The following UNC79 variants were observed in gnomAD, a reference collection of about 807,000 sequenced individuals.
UNC79 encodes protein unc-79 homolog.
A neutral mutation model predicts 283.1 loss-of-function variants in UNC79; 37 were observed. That is an observed-to-expected ratio of 0.13 (90% confidence interval 0.10 to 0.17). The LOEUF (loss-of-function observed/expected upper bound fraction) is 0.17, where lower values mean the gene tolerates loss of function less well. Among genes scored for constraint, UNC79 ranks in the 10% least tolerant of loss-of-function variants. The pLI is 1.00. For synonymous variants in UNC79, 1,107 were observed against 1,200.2 expected, an observed-to-expected ratio of 0.92 and a Z score of 1.61; for missense variants, 2,272 against 3,211.1, an observed-to-expected ratio of 0.71 and a Z score of 7.07.
intron 47 of UNC79, among the ~76,000 whole-genome samples, chr14:93,703,649 G>A (rs1364689178): frequency 6.6e-6 from 1 of 152,126 alleles, no homozygotes. Flanking sequence ...ATTTTAATGG[G>A]GCACAATTCA....
intron 38 of UNC79, among the ~76,000 whole-genome samples, chr14:93,656,891 A>G (rs944223852): frequency 6.6e-6 from 1 of 152,170 alleles, no homozygotes; most frequent in Non-Finnish European, 1.5e-5. Context: ...CAGAAAAACA[A>G]AAGGATCAGG....
chr14:93,535,054 G>A (rs2061005307), intron 11 of UNC79, among the ~76,000 whole-genome samples: 1 of 152,204 alleles, frequency 6.6e-6, no homozygotes, highest in Non-Finnish European at 1.5e-5. Context: ...TTGGAAAGAT[G>A]AAGAGACAGA....
rs1188213650 is a variant in UNC79, at chr14:93,662,594, C to T, written c.6526-10C>T. ...GCAATTGACTTTATTTGGCCCCAATCTCATTGCAGAGTTTGTTGGAACCAT... is the reference window on the plus strand; with the variant it reads ...GCAATTGACTTTATTTGGCCCCAATTTCATTGCAGAGTTTGTTGGAACCAT... On this transcript the variant is annotated splice_polypyrimidine_tract_variant and intron_variant, in intron 39 of 48. Coordinates refer to ENST00000555664, the Ensembl canonical transcript of UNC79. 1 of 1,587,698 alleles carries T rather than the reference C, an allele frequency of 6.3e-7. No homozygotes were observed. Among genetic ancestry groups the T allele is most frequent in the Non-Finnish European group, 8.6e-7 (1 of 1,160,544 alleles).
chr14:93,529,072 T>A (rs1333287098), intron 9 of UNC79, among the ~76,000 whole-genome samples: 1 of 152,236 alleles, frequency 6.6e-6, no homozygotes, highest in Non-Finnish European at 1.5e-5. Context: ...ATCTGGAAAG[T>A]ATCATTTAAA....
At chr14:93,623,043 A>G (rs968302691) in intron 30 of UNC79, among the ~76,000 whole-genome samples, 3 of 152,094 alleles carry the variant, frequency 2.0e-5, no homozygotes, top group Admixed American at 1.3e-4. Flanking sequence ...GGCTCCACAA[A>G]TGTTTCTGTT....
At chr14:93,668,088 C>A (rs1356589204) in intron 40 of UNC79, among the ~76,000 whole-genome samples, 1 of 152,116 alleles carries the variant, frequency 6.6e-6, no homozygotes, top group Non-Finnish European at 1.5e-5. Flanking sequence ...CCTTTAAAAT[C>A]ATAAATAAGA....
chr14:93,618,683 T>C (rs575896986), intron 29 of UNC79, among the ~76,000 whole-genome samples: 1 of 152,246 alleles, frequency 6.6e-6, no homozygotes, highest in East Asian at 1.9e-4. Flanking sequence ...AAGTCTTGGT[T>C]GGCACACAGT....
chr14:93,450,299 A>C (rs968975723), intron 1 of UNC79, among the ~76,000 whole-genome samples: 1 of 152,048 alleles, frequency 6.6e-6, no homozygotes, highest in African/African-American at 2.4e-5. Context: ...TGTGGAGGAG[A>C]GTAGGAACTT....
intron 41 of UNC79, among the ~76,000 whole-genome samples, chr14:93,676,867 G>A (rs1384781018): frequency 6.6e-6 from 1 of 152,184 alleles, no homozygotes; most frequent in African/African-American, 2.4e-5. Context: ...TGTGTTTTAT[G>A]GGTTTTCATC....
chr14:93,668,395 G>T (rs919990331), intron 40 of UNC79, among the ~76,000 whole-genome samples: 1 of 152,078 alleles, frequency 6.6e-6, no homozygotes, highest in Non-Finnish European at 1.5e-5. Context: ...ATCTATTGTG[G>T]TGACAAAAGA....
chr14:93,609,931 A>T (rs944618805), intron 26 of UNC79, among the ~76,000 whole-genome samples: 7 of 152,190 alleles, frequency 4.6e-5, no homozygotes, highest in African/African-American at 1.7e-4. Flanking sequence ...TTTATGCAAA[A>T]GTTTCCATAA....
intron 1 of UNC79, among the ~76,000 whole-genome samples, chr14:93,398,885 A>G (rs2055049051): frequency 6.6e-6 from 1 of 152,084 alleles, no homozygotes; most frequent in South Asian, 2.1e-4. Flanking sequence ...TATGAAATGG[A>G]ATGGTGTGTG....
Position 93,641,859 on chromosome 14 carries a change from G to A in UNC79, c.5903+612G>A, listed in dbSNP as rs571540587. ...CAGGTGGAGATAATTGAATCATGGG[G>A]GCAGTTTCCCCCATACTGTTCTCAT... On this transcript the variant is annotated intron_variant, in intron 33 of 48. Transcript: ENST00000555664. 6.6e-5 allele frequency among the ~76,000 whole-genome samples: 10 copies of A among 152,158 alleles called. No homozygotes were observed. The East Asian group carries it at 1.9e-3, about 29-fold the overall frequency.
At chr14:93,412,618 G>A (rs775094004) in intron 1 of UNC79, among the ~76,000 whole-genome samples, 1 of 152,028 alleles carries the variant, frequency 6.6e-6, no homozygotes, top group African/African-American at 2.4e-5. Context: ...CCTTGAGGCA[G>A]TCTTCTTTGG....
At chr14:93,647,302 C>T (rs1389865615) in intron 35 of UNC79, among the ~76,000 whole-genome samples, 4 of 152,180 alleles carry the variant, frequency 2.6e-5, no homozygotes, top group African/African-American at 9.6e-5. Flanking sequence ...AGAAAATAAG[C>T]AAATTAACCA....
chr14:93,467,628 CTTTTTTTTTTTTTTTTT>C (rs398026224), intron 1 of UNC79, 26 bp from the exon 2 acceptor site: 176 of 762,644 alleles, frequency 2.3e-4, no homozygotes, highest in South Asian at 7.5e-4. Context: ...TTTCTTCTTC[CTTTTTTTTTTTTTTTTT>C]TTTTTTTTTT....
At chr14:93,668,698 C>T (rs11628061) in intron 40 of UNC79, among the ~76,000 whole-genome samples, 4 of 151,126 alleles carry the variant, frequency 2.6e-5, no homozygotes, top group Non-Finnish European at 4.4e-5. Flanking sequence ...ACAAAAATTT[C>T]GCTGGGCATA....
intron 1 of UNC79, among the ~76,000 whole-genome samples, chr14:93,360,569 C>T (rs2054200039): frequency 6.6e-6 from 1 of 152,240 alleles, no homozygotes; most frequent in East Asian, 1.9e-4. Context: ...CCATTCCTGT[C>T]CATGAGGCCC....
intron 47 of UNC79, 70 bp downstream of exon 50, chr14:93,694,482 G>A: frequency 1.4e-6 from 2 of 1,408,512 alleles, no homozygotes; most frequent in South Asian, 1.2e-5. Context: ...TATGTTGAAG[G>A]TACTTTCTGA....
Sources: allele counts gnomAD v4.1 joint callset (sites outside exome capture counted in the v4.1 genomes callset), GRCh38; gene constraint gnomAD v4.1.1; transcripts MANE v1.5; gene names NCBI Gene and HGNC (gene_info 2026-07-23, HGNC 2026-07-21).